PRIM2: variants seen among roughly 807,000 people sequenced by gnomAD.
PRIM2 encodes the protein DNA primase large subunit.
PRIM2 carries 39 observed loss-of-function variants against 67.3 expected under a neutral mutation model. The observed-to-expected ratio is 0.58, with a 90% CI of 0.45 to 0.76. The LOEUF (loss-of-function observed/expected upper bound fraction) is 0.76, where lower values mean the gene tolerates loss of function less well. Among genes scored for constraint, PRIM2 ranks in the 30% least tolerant of loss-of-function variants. PRIM2 has a pLI of 0.00. For synonymous variants in PRIM2, 143 were observed against 198.7 expected, an observed-to-expected ratio of 0.72 and a Z score of 2.36; for missense variants, 398 against 598.7, an observed-to-expected ratio of 0.66 and a Z score of 3.50.
Position 57,434,722 on chromosome 6 carries a change from T to C in PRIM2, c.693+52554T>C, listed in dbSNP as rs115933417. ...CCACCAGCTTGGGTTTCTGAAAGTG[T>C]AGTGTATTTTTTAATATATCAGAAT... On this transcript the variant is annotated intron_variant, in intron 7 of 13. Coordinates refer to ENST00000615550, the MANE Select transcript of PRIM2 (RefSeq NM_000947.5). Among the ~76,000 whole-genome samples, 1,482 of 152,172 alleles carry C rather than the reference T, an allele frequency of 9.7e-3. 19 individuals carry two copies. Among genetic ancestry groups the C allele is most frequent in the African/African-American group, 0.034 (1,401 of 41,518 alleles).
chr6:57,435,834 A>G (rs556924569), intron 7 of PRIM2, among the ~76,000 whole-genome samples: 1 of 152,336 alleles, frequency 6.6e-6, no homozygotes, highest in African/African-American at 2.4e-5. Context: ...CAATGTGCAC[A>G]GGTGGTTTGG....
chr6:57,330,361 G>GTTTTT (rs59599812), intron 5 of PRIM2, among the ~76,000 whole-genome samples: 2 of 110,398 alleles, frequency 1.8e-5, no homozygotes, highest in African/African-American at 3.6e-5. Flanking sequence ...TTTTTTTTTT[G>GTTTTT]TTTTTGTTTT....
At chr6:57,518,812 A>G (rs1181520000) in intron 8 of PRIM2, among the ~76,000 whole-genome samples, 1 of 152,222 alleles carries the variant, frequency 6.6e-6, no homozygotes, top group Non-Finnish European at 1.5e-5. Context: ...GGAACTAATC[A>G]TGGAGGACAG....
intron 7 of PRIM2, among the ~76,000 whole-genome samples, chr6:57,409,648 T>C (rs1581876324): frequency 1.3e-5 from 2 of 152,388 alleles, no homozygotes; most frequent in East Asian, 3.9e-4. Context: ...TTGTCAGTTT[T>C]AAATTTTAAT....
intron 8 of PRIM2, among the ~76,000 whole-genome samples, chr6:57,531,866 T>C (rs1426339197): frequency 1.3e-5 from 2 of 152,260 alleles, no homozygotes; most frequent in Admixed American, 1.3e-4. Flanking sequence ...TGTAAAATGC[T>C]ATTCAGATAT....
the PRIM2 span, among the ~76,000 whole-genome samples, chr6:57,273,114 C>T: frequency 3.9e-5 from 6 of 152,198 alleles, no homozygotes; most frequent in South Asian, 6.2e-4. Context: ...CTTGGAGTTG[C>T]TCTTCTCGAG....
At chr6:57,513,855 C>T (rs1284571843) in intron 8 of PRIM2, among the ~76,000 whole-genome samples, 7 of 152,256 alleles carry the variant, frequency 4.6e-5, no homozygotes, top group African/African-American at 1.4e-4. Flanking sequence ...GGCTGGGCAA[C>T]AATTGCTATT....
At chr6:57,628,062 G>A (rs1776983145) in intron 12 of PRIM2, among the ~76,000 whole-genome samples, 1 of 152,228 alleles carries the variant, frequency 6.6e-6, no homozygotes, top group African/African-American at 2.4e-5. Flanking sequence ...AATGGAACAT[G>A]AAAACTGGAG....
intron 8 of PRIM2, among the ~76,000 whole-genome samples, chr6:57,509,788 A>G (rs1334089930): frequency 1.3e-5 from 2 of 149,478 alleles, no homozygotes; most frequent in African/African-American, 4.9e-5. Flanking sequence ...ATATAATTTT[A>G]GAACATTTTA....
rs1473839205 is a variant in PRIM2 at position 57,499,807 on chromosome 6, T to C, written c.694-7580T>C. Among the ~76,000 whole-genome samples, 5 of 152,312 alleles carry C rather than the reference T, an allele frequency of 3.3e-5. No homozygotes were observed. The East Asian group carries it at 5.8e-4, about 18-fold the overall frequency. On this transcript the variant is annotated intron_variant, in intron 7 of 13. Transcript: ENST00000615550. ...ACAGAATGAACCCTCAACAGTGCTC[T>C]AATGAGCTACTAGTTAATGACAGTT...
intron 3 of PRIM2, among the ~76,000 whole-genome samples, chr6:57,321,270 A>C (rs1265902404): frequency 6.6e-6 from 1 of 152,206 alleles, no homozygotes; most frequent in Non-Finnish European, 1.5e-5. Context: ...GGATGGTGGT[A>C]ATATTTTGAG....
chr6:57,470,165 A>T (rs1773301242), intron 7 of PRIM2, among the ~76,000 whole-genome samples: 1 of 152,096 alleles, frequency 6.6e-6, no homozygotes, highest in South Asian at 2.1e-4. Flanking sequence ...GCGTTGTGGC[A>T]TTTTATCAGA....
chr6:57,422,702 A>C (rs1451259547), intron 7 of PRIM2, among the ~76,000 whole-genome samples: 1 of 150,358 alleles, frequency 6.7e-6, no homozygotes, highest in African/African-American at 2.5e-5. Context: ...TTTTTGATGG[A>C]ATTCTTTTTT....
intron 5 of PRIM2, among the ~76,000 whole-genome samples, chr6:57,370,878 A>G (rs1210474901): frequency 6.6e-6 from 1 of 151,910 alleles, no homozygotes; most frequent in African/African-American, 2.4e-5. Flanking sequence ...TTGTATTTTT[A>G]GTAAAGATGG....
intron 5 of PRIM2, among the ~76,000 whole-genome samples, chr6:57,361,979 A>C (rs1769215416): frequency 6.6e-6 from 1 of 152,150 alleles, no homozygotes; most frequent in Admixed American, 6.6e-5. Context: ...ACAGCATCTT[A>C]AAAGATAAGG....
At chr6:57,582,689 G>A in intron 10 of PRIM2, among the ~76,000 whole-genome samples, 1 of 152,106 alleles carries the variant, frequency 6.6e-6, no homozygotes, top group East Asian at 1.9e-4. Flanking sequence ...CTGAGTGACA[G>A]TGGGGAAGCA....
At chr6:57,470,844 G>C (rs1190736400) in intron 7 of PRIM2, among the ~76,000 whole-genome samples, 1 of 152,024 alleles carries the variant, frequency 6.6e-6, no homozygotes, top group African/African-American at 2.4e-5. Flanking sequence ...TCTTCTCAGC[G>C]TTTGGCACTT....
upstream of PRIM2, among the ~76,000 whole-genome samples, chr6:57,314,646 T>G (rs545059603): frequency 6.6e-6 from 1 of 152,374 alleles, no homozygotes; most frequent in East Asian, 1.9e-4. Context: ...TTTGAGATGC[T>G]ATGGTTCAGT....
intron 7 of PRIM2, among the ~76,000 whole-genome samples, chr6:57,451,972 T>C (rs149261329): frequency 7.1e-6 from 1 of 140,490 alleles, no homozygotes; most frequent in African/African-American, 2.6e-5. Flanking sequence ...GTGATGTTCT[T>C]CTTCCTGTGT....
Sources: allele counts gnomAD v4.1 joint callset (sites outside exome capture counted in the v4.1 genomes callset), GRCh38; gene constraint gnomAD v4.1.1; transcripts MANE v1.5; gene names NCBI Gene and HGNC (gene_info 2026-07-23, HGNC 2026-07-21).